AIG1: variants seen among roughly 807,000 people sequenced by gnomAD.
AIG1 encodes androgen induced 1.
In AIG1, 23 loss-of-function variants were observed where a neutral mutation model predicts 31.4. The ratio of observed to expected loss-of-function variants is 0.73; its 90% CI spans 0.53 to 1.04. AIG1 has a LOEUF of 1.04. AIG1 is among the 50% of genes least tolerant of loss of function. AIG1 has a pLI of 0.00. For missense variants in AIG1, 274 were observed against 295.0 expected (o/e 0.93, Z 0.52); for synonymous variants, 100 against 110.5 (o/e 0.90, Z 0.60).
intron 2 of AIG1, among the ~76,000 whole-genome samples, chr6:143,141,734 C>T (rs1784261741): frequency 6.6e-6 from 1 of 152,150 alleles, no homozygotes; most frequent in East Asian, 1.9e-4. Context: ...AGAAGCATTA[C>T]AAATAATTCT....
chr6:143,318,464 C>T (rs978940385), intron 4 of AIG1, among the ~76,000 whole-genome samples: 1 of 152,008 alleles, frequency 6.6e-6, no homozygotes, highest in Non-Finnish European at 1.5e-5. Flanking sequence ...CATCTTTCAC[C>T]TTATACAGAA....
intron 4 of AIG1, among the ~76,000 whole-genome samples, chr6:143,294,099 A>G (rs1371706325): frequency 6.6e-6 from 1 of 152,142 alleles, no homozygotes; most frequent in East Asian, 1.9e-4. Context: ...TATGTTTTTC[A>G]GCAAGCAATC....
downstream of AIG1, chr6:143,342,377 CT>C (rs561363929): frequency 1.8e-4 from 122 of 683,182 alleles, no homozygotes; most frequent in African/African-American, 2.0e-3. Flanking sequence ...GCAGGTTTAA[CT>C]TCTTTATTCA....
At chr6:143,155,977 G>A (rs1033088126) in intron 2 of AIG1, among the ~76,000 whole-genome samples, 1 of 152,166 alleles carries the variant, frequency 6.6e-6, no homozygotes, top group Non-Finnish European at 1.5e-5. Context: ...TGGCCAAGAG[G>A]CTACTGCAGG....
chr6:143,171,404 G>A (rs1205236128), intron 3 of AIG1, among the ~76,000 whole-genome samples: 1 of 127,568 alleles, frequency 7.8e-6, no homozygotes, highest in African/African-American at 3.0e-5. Flanking sequence ...GTATTCAATA[G>A]TGTGTGTATA....
At chr6:143,337,679 A>G (rs148557793) in intron 5 of AIG1, among the ~76,000 whole-genome samples, 2 of 152,162 alleles carry the variant, frequency 1.3e-5, no homozygotes, top group African/African-American at 2.4e-5. Flanking sequence ...GGAGACGTCT[A>G]TGTGTGCAGA....
intron 3 of AIG1, among the ~76,000 whole-genome samples, chr6:143,202,996 G>A (rs1458225817): frequency 6.6e-6 from 1 of 152,136 alleles, no homozygotes; most frequent in East Asian, 1.9e-4. Flanking sequence ...AACAATGTCT[G>A]CAGCAAAAGC....
At chr6:143,091,333 A>T (rs1027882721) in intron 1 of AIG1, among the ~76,000 whole-genome samples, 3 of 152,226 alleles carry the variant, frequency 2.0e-5, no homozygotes, top group Non-Finnish European at 4.4e-5. Flanking sequence ...AGCTTGTAGA[A>T]TGGTGAATCC....
At chr6:143,283,118 C>T (rs1164015780) in intron 3 of AIG1, among the ~76,000 whole-genome samples, 1 of 152,132 alleles carries the variant, frequency 6.6e-6, no homozygotes, top group Non-Finnish European at 1.5e-5. Flanking sequence ...CTCTTTGTTC[C>T]TTTTATCTGT....
intron 1 of AIG1, among the ~76,000 whole-genome samples, chr6:143,095,453 T>G (rs1429838185): frequency 6.6e-6 from 1 of 152,150 alleles, no homozygotes; most frequent in African/African-American, 2.4e-5. Flanking sequence ...ATCATATAAG[T>G]AGCCATGCAA....
intron 4 of AIG1, among the ~76,000 whole-genome samples, chr6:143,295,751 G>A (rs1798380059): frequency 6.6e-6 from 1 of 151,978 alleles, no homozygotes; most frequent in Non-Finnish European, 1.5e-5. Flanking sequence ...ATTTCTGCCA[G>A]GGGATTTAAA....
At chr6:143,304,153 C>T (rs1419352832) in intron 4 of AIG1, among the ~76,000 whole-genome samples, 1 of 152,056 alleles carries the variant, frequency 6.6e-6, no homozygotes, top group Non-Finnish European at 1.5e-5. Flanking sequence ...TCTAAATTTA[C>T]AATCATGTCA....
intron 3 of AIG1, among the ~76,000 whole-genome samples, chr6:143,245,204 C>G (rs2128642783): frequency 6.6e-6 from 1 of 152,138 alleles, no homozygotes; most frequent in South Asian, 2.1e-4. Context: ...AACACTTTCT[C>G]TCACATACAT....
chr6:143,207,058 T>G (rs1026814181), intron 3 of AIG1, among the ~76,000 whole-genome samples: 2 of 152,190 alleles, frequency 1.3e-5, no homozygotes, highest in Non-Finnish European at 2.9e-5. Flanking sequence ...GTGCTGTCCC[T>G]GTATCTATAA....
chr6:143,108,872 T>G (rs1781040903), intron 1 of AIG1, among the ~76,000 whole-genome samples: 2 of 152,184 alleles, frequency 1.3e-5, no homozygotes, highest in African/African-American at 4.8e-5. Flanking sequence ...CGGAGAAGTC[T>G]TATATGAACA....
intron 1 of AIG1, among the ~76,000 whole-genome samples, chr6:143,105,954 T>C (rs1410244152): frequency 6.6e-6 from 1 of 152,228 alleles, no homozygotes; most frequent in East Asian, 1.9e-4. Flanking sequence ...AGTGAGCTCG[T>C]GTGCTTTTCC....
At chr6:143,311,361 C>G (rs1393199412) in intron 4 of AIG1, among the ~76,000 whole-genome samples, 1 of 151,866 alleles carries the variant, frequency 6.6e-6, no homozygotes, top group East Asian at 1.9e-4. Context: ...TATATGCACA[C>G]AGTCTATGCA....
intron 2 of AIG1, among the ~76,000 whole-genome samples, chr6:143,142,545 T>C (rs1784330464): frequency 6.6e-6 from 1 of 152,134 alleles, no homozygotes; most frequent in Non-Finnish European, 1.5e-5. Flanking sequence ...ATGAAGATGA[T>C]AGCCCTTTCT....
chr6:143,230,469 GAT>G (rs1302978330), intron 3 of AIG1, among the ~76,000 whole-genome samples: 1 of 149,528 alleles, frequency 6.7e-6, no homozygotes, highest in Non-Finnish European at 1.5e-5. Context: ...AATTAAATAA[GAT>G]ATACTATTAA....
Sources: gnomAD v4.1 joint callset for allele counts (sites outside exome capture counted in the v4.1 genomes callset) on GRCh38, gnomAD v4.1.1 for gene constraint, MANE v1.5 for transcripts, NCBI Gene and HGNC (gene_info 2026-07-23, HGNC 2026-07-21) for gene names.